ITGB3BP: variants seen among roughly 807,000 people sequenced by gnomAD.
ITGB3BP encodes integrin subunit beta 3 binding protein.
ITGB3BP carries 27 observed loss-of-function variants against 29.1 expected under a neutral mutation model. The observed-to-expected ratio is 0.93, with a 90% CI of 0.68 to 1.28. The LOEUF (loss-of-function observed/expected upper bound fraction) is 1.28, where lower values mean the gene tolerates loss of function less well. Among genes scored for constraint, ITGB3BP ranks in the 50% most tolerant of loss-of-function variants. The probability of loss-of-function intolerance (pLI) is 0.00; values close to 1 mark genes in which losing one functional copy is unlikely to be tolerated. For missense variants in ITGB3BP, 192 were observed against 200.2 expected, an observed-to-expected ratio of 0.96 and a Z score of 0.25; for synonymous variants, 61 against 61.4, an observed-to-expected ratio of 0.99 and a Z score of 0.03.
intron 2 of ITGB3BP, among the ~76,000 whole-genome samples, chr1:63,494,881 C>T (rs1395923197): frequency 6.6e-6 from 1 of 152,190 alleles, no homozygotes; most frequent in Admixed American, 6.5e-5. Context: ...CAGCTCACTG[C>T]AGCCTTGAAC....
chr1:63,443,118 T>G (rs1214674053), intron 8 of ITGB3BP: 1 of 152,288 alleles, frequency 6.6e-6, no homozygotes, highest in African/African-American at 2.4e-5. Context: ...GAATAATCAC[T>G]GAAGTGTGAC....
rs116352236 is a variant in ITGB3BP, at chr1:63,476,573, G to C, written c.254+2191C>G. Among the ~76,000 whole-genome samples the C allele has an allele frequency of 3.9e-3, 587 of 152,280 alleles. 3 individuals carry two copies. The highest frequency in any genetic ancestry group is 0.013 in the African/African-American group (537 of 41,548). ...CTTCCCTTGCTCCTTGAAGCCCACTGCCATGGGAGCTATTGTTTTAAAAGT... is the reference window on the plus strand; with the variant it reads ...CTTCCCTTGCTCCTTGAAGCCCACTCCCATGGGAGCTATTGTTTTAAAAGT... On this transcript the variant is annotated intron_variant, in intron 4 of 8. Transcript: ENST00000271002.
At chr1:63,528,172 G>T (rs984405453), upstream of ITGB3BP, among the ~76,000 whole-genome samples, 1 of 152,014 alleles carries the variant, frequency 6.6e-6, no homozygotes, top group Non-Finnish European at 1.5e-5. Flanking sequence ...TGGAAGCAAC[G>T]TAAGAGTTCA....
rs190336779 is a variant in ITGB3BP at position 63,514,127 on chromosome 1, G to A, written c.6-5557C>T. On this transcript the variant is annotated intron_variant, in intron 1 of 8. Transcript: ENST00000271002. The stretch of plus-strand genomic sequence containing the variant: ...CCTATTCTAGAATTTCATATAAATA[G>A]AACTATACAGTATGTACTTGTGTCT... Among the ~76,000 whole-genome samples the A allele has an allele frequency of 2.8e-4, 42 of 152,208 alleles. No individual in the cohort carries two copies. In the East Asian group the frequency reaches 4.8e-3, roughly 18 times the overall value.
chr1:63,524,740 C>T (rs1472894975), upstream of ITGB3BP, among the ~76,000 whole-genome samples: 3 of 152,150 alleles, frequency 2.0e-5, no homozygotes, highest in Non-Finnish European at 4.4e-5. Flanking sequence ...GTGAAATTTA[C>T]GGCTTTTTGC....
intron 7 of ITGB3BP, among the ~76,000 whole-genome samples, chr1:63,450,417 G>T (rs1357611040): frequency 6.6e-6 from 1 of 151,898 alleles, no homozygotes; most frequent in Non-Finnish European, 1.5e-5. Flanking sequence ...ATAGACTAAC[G>T]ATGGTATTTT....
intron 7 of ITGB3BP, among the ~76,000 whole-genome samples, chr1:63,448,138 A>T (rs1401512955): frequency 6.9e-5 from 9 of 130,216 alleles, no homozygotes; most frequent in Admixed American, 3.6e-4. Flanking sequence ...ATGAGAACAC[A>T]TGGACACAGG....
chr1:63,483,739 G>T (rs573543116), intron 3 of ITGB3BP, among the ~76,000 whole-genome samples: 24 of 152,194 alleles, frequency 1.6e-4, no homozygotes, highest in African/African-American at 5.5e-4. Context: ...TATGACAGTG[G>T]TCTCATAAGA....
At chr1:63,499,371 G>A (rs1363764933) in intron 2 of ITGB3BP, among the ~76,000 whole-genome samples, 1 of 151,838 alleles carries the variant, frequency 6.6e-6, no homozygotes, top group Non-Finnish European at 1.5e-5. Context: ...GGCTGGTCTC[G>A]AACTCCCGGC....
chr1:63,447,274 A>G (rs1644801520), intron 7 of ITGB3BP, among the ~76,000 whole-genome samples: 1 of 152,182 alleles, frequency 6.6e-6, no homozygotes, highest in Admixed American at 6.6e-5. Flanking sequence ...TGAGGTAAGA[A>G]AATAGCAATT....
At chr1:63,506,972 T>C (rs1401622909) in intron 2 of ITGB3BP, among the ~76,000 whole-genome samples, 1 of 152,184 alleles carries the variant, frequency 6.6e-6, no homozygotes, top group East Asian at 1.9e-4. Flanking sequence ...GCCAGGTTGC[T>C]TCAGGGCTAA....
chr1:63,504,872 T>C (rs984393627), intron 2 of ITGB3BP, among the ~76,000 whole-genome samples: 1 of 152,222 alleles, frequency 6.6e-6, no homozygotes, highest in African/African-American at 2.4e-5. Flanking sequence ...CACTTGATCA[T>C]GGTGGATAAG....
At chr1:63,507,242 T>C (rs1164827862) in intron 2 of ITGB3BP, among the ~76,000 whole-genome samples, 1 of 152,204 alleles carries the variant, frequency 6.6e-6, no homozygotes, top group Non-Finnish European at 1.5e-5. Flanking sequence ...AATCAGTTGG[T>C]ACAAGCTTAA....
chr1:63,466,054 C>A (rs1645095118), intron 4 of ITGB3BP, among the ~76,000 whole-genome samples: 1 of 152,108 alleles, frequency 6.6e-6, no homozygotes. Context: ...ACTTTTTCCT[C>A]AAATGCAGCT....
At chr1:63,500,018 C>T (rs193226125) in intron 2 of ITGB3BP, among the ~76,000 whole-genome samples, 2 of 152,198 alleles carry the variant, frequency 1.3e-5, no homozygotes, top group East Asian at 1.9e-4. Context: ...AAATAAAAGG[C>T]GTAGATTGCA....
intron 4 of ITGB3BP, chr1:63,457,025 C>T (rs181167703): frequency 5.2e-4 from 79 of 152,240 alleles, no homozygotes; most frequent in African/African-American, 1.9e-3. Flanking sequence ...ACACTTGTAT[C>T]CATTGCAGGA....
At chr1:63,441,745 C>G (rs1644733365) in intron 8 of ITGB3BP, among the ~76,000 whole-genome samples, 1 of 152,094 alleles carries the variant, frequency 6.6e-6, no homozygotes, top group South Asian at 2.1e-4. Flanking sequence ...CAACAGCTGC[C>G]CCCCGCCCAA....
At chr1:63,519,766 C>A (rs1646409335) in intron 1 of ITGB3BP, among the ~76,000 whole-genome samples, 1 of 152,004 alleles carries the variant, frequency 6.6e-6, no homozygotes, top group Non-Finnish European at 1.5e-5. Flanking sequence ...GCAGTAGCAT[C>A]AAAATGATTA....
chr1:63,510,288 T>A (rs1646172667), intron 1 of ITGB3BP: 1 of 396,460 alleles, frequency 2.5e-6, no homozygotes, highest in African/African-American at 2.1e-5. Context: ...TGCAATAGTA[T>A]CTTTTAGAAG....
Sources: gnomAD v4.1 joint callset for allele counts (sites outside exome capture counted in the v4.1 genomes callset) on GRCh38, gnomAD v4.1.1 for gene constraint, MANE v1.5 for transcripts, NCBI Gene and HGNC (gene_info 2026-07-23, HGNC 2026-07-21) for gene names.